Variants in ASCC3 observed in about 807,000 individuals in gnomAD.
ASCC3 encodes ASC-1 complex subunit P200.
In ASCC3, 158 loss-of-function variants were observed where a neutral mutation model predicts 256.3. That is an observed-to-expected ratio of 0.62 (90% CI 0.54 to 0.70). The LOEUF is 0.70. Ranked by LOEUF, ASCC3 falls within the 30% of genes least tolerant of loss-of-function variation. The pLI, the probability that ASCC3 is intolerant of heterozygous loss-of-function variation, is 0.00. For synonymous variants in ASCC3, 948 were observed against 883.4 expected (o/e 1.07, Z -1.30); for missense variants, 2,259 against 2,626.0 (o/e 0.86, Z 3.05).
intron 24 of ASCC3, among the ~76,000 whole-genome samples, chr6:100,642,031 G>A (rs1232400126): frequency 7.6e-6 from 1 of 132,290 alleles, no homozygotes; most frequent in Non-Finnish European, 1.6e-5. Flanking sequence ...GGGGAGGGGG[G>A]AGGGATAGCA....
chr6:100,627,442 A>G, intron 29 of ASCC3, 148 bp downstream of exon 29: 2 of 1,024,210 alleles, frequency 2.0e-6, no homozygotes, highest in South Asian at 2.9e-5. Flanking sequence ...ATATATTTGT[A>G]TTCCTTAACA....
Position 100,864,069 on chromosome 6 carries a change from T to C in ASCC3, c.236A>G (p.Gln79Arg). 1 of 1,566,388 alleles carries C rather than the reference T, an allele frequency of 6.4e-7. No individual in the cohort carries two copies. The highest frequency in any genetic ancestry group is 8.7e-7 in the Non-Finnish European group (1 of 1,153,412). ...AGAAAAAAAGAAAACTATACCTATC[T>C]GCTTTGCAGCATGTAATATATCTTT... ...DLKDILHAAK[Q>R]IVGTDNGREA... Residue 79 changes from glutamine (Q) to arginine (R), a missense_variant, in exon 3 of 42, where the codon CAG (glutamine) becomes CGG (arginine). Transcript: ENST00000369162.
At chr6:100,840,201 A>G (rs1399943309) in intron 4 of ASCC3, among the ~76,000 whole-genome samples, 1 of 152,230 alleles carries the variant, frequency 6.6e-6, no homozygotes, top group African/African-American at 2.4e-5. Flanking sequence ...TTAAAGACAG[A>G]CAAAAGATAC....
At chr6:100,806,115 A>T (rs1349842168) in intron 4 of ASCC3, among the ~76,000 whole-genome samples, 1 of 152,052 alleles carries the variant, frequency 6.6e-6, no homozygotes, top group Non-Finnish European at 1.5e-5. Flanking sequence ...TTTAAAAATT[A>T]CGATTTGAAT....
At chr6:100,589,474 T>C (rs1397608882) in intron 36 of ASCC3, among the ~76,000 whole-genome samples, 160 bp downstream of exon 36, 1 of 152,134 alleles carries the variant, frequency 6.6e-6, no homozygotes, top group Non-Finnish European at 1.5e-5. Flanking sequence ...GGTCACCTTA[T>C]CTATGGGTAT....
intron 13 of ASCC3, among the ~76,000 whole-genome samples, chr6:100,701,084 T>A (rs1360229495): frequency 1.3e-5 from 2 of 152,184 alleles, no homozygotes; most frequent in African/African-American, 2.4e-5. Flanking sequence ...CCATGTTTCA[T>A]GGGAGGAACC....
intron 13 of ASCC3, among the ~76,000 whole-genome samples, chr6:100,688,290 A>C (rs976032476): frequency 5.9e-5 from 9 of 151,850 alleles, no homozygotes; most frequent in African/African-American, 2.2e-4. Flanking sequence ...CAACAACAGG[A>C]ACTCTTGATT....
chr6:100,829,538 G>A (rs990171086), intron 4 of ASCC3, among the ~76,000 whole-genome samples: 10 of 151,968 alleles, frequency 6.6e-5, no homozygotes, highest in South Asian at 2.1e-4. Flanking sequence ...CGCAAGCACC[G>A]CGTGCAGCCC....
In ASCC3 at chr6:100,509,387, T is replaced by A. The variant is rs1390848194; in HGVS notation, c.6608A>T (p.Ter2203LeuextTer12). The change falls in exon 42 of 42, where the codon TAA becomes TTA. Residue 2203 changes from the stop codon to leucine, a stop_lost. Coordinates refer to ENST00000369162, the MANE Select transcript of ASCC3 (RefSeq NM_006828.4). ...SDSLTDLALK[*>L] ...TTCAAATGGATTGTTCAGGTCAAGT[T>A]ACTTTAATGCCAGGTCAGTCAGGGA... 1.2e-6 allele frequency: 2 copies of A among 1,614,030 alleles called. No individual in the cohort carries two copies. Among genetic ancestry groups the A allele is most frequent in the African/African-American group, 2.7e-5 (2 of 74,924 alleles).
chr6:100,652,165 A>G (rs1405739350), intron 18 of ASCC3, among the ~76,000 whole-genome samples: 1 of 143,120 alleles, frequency 7.0e-6, no homozygotes. Context: ...AAGAATGCCT[A>G]AAGTTCCTGC....
intron 13 of ASCC3, among the ~76,000 whole-genome samples, chr6:100,703,427 T>C (rs1778434003): frequency 6.6e-6 from 1 of 152,020 alleles, no homozygotes; most frequent in South Asian, 2.1e-4. Flanking sequence ...AATAATTTGG[T>C]GACAGTAAAA....
At chr6:100,743,094 C>G (rs1054382239) in intron 10 of ASCC3, among the ~76,000 whole-genome samples, 5 of 152,192 alleles carry the variant, frequency 3.3e-5, no homozygotes, top group African/African-American at 1.2e-4. Flanking sequence ...TTCATGAGAT[C>G]TCCTGGTCCA....
At chr6:100,784,212 T>C (rs1219157520) in intron 8 of ASCC3, among the ~76,000 whole-genome samples, 4 of 152,168 alleles carry the variant, frequency 2.6e-5, no homozygotes, top group African/African-American at 9.6e-5. Context: ...ATGAAAATAC[T>C]GACTTCCCTA....
At chr6:100,800,058 G>A (rs1490448866) in intron 6 of ASCC3, among the ~76,000 whole-genome samples, 5 of 151,890 alleles carry the variant, frequency 3.3e-5, no homozygotes, top group Non-Finnish European at 5.9e-5. Flanking sequence ...CCTAAAAATA[G>A]CTTAGCTCTA....
intron 10 of ASCC3, among the ~76,000 whole-genome samples, chr6:100,743,885 A>G (rs954208110): frequency 1.1e-4 from 17 of 152,222 alleles, no homozygotes; most frequent in African/African-American, 4.1e-4. Context: ...TCTTTAAAAT[A>G]ATGCCTGACA....
At chr6:100,532,091 G>A (rs1401469786) in intron 37 of ASCC3, among the ~76,000 whole-genome samples, 2 of 151,198 alleles carry the variant, frequency 1.3e-5, no homozygotes, top group East Asian at 1.9e-4. Context: ...GATGAGCCAC[G>A]AAATTCAATC....
chr6:100,621,718 C>T (rs962522668), intron 30 of ASCC3, among the ~76,000 whole-genome samples: 3 of 152,102 alleles, frequency 2.0e-5, no homozygotes, highest in African/African-American at 7.2e-5. Flanking sequence ...TATCATCTGA[C>T]CCAGAAATCC....
chr6:100,735,009 T>C (rs1582780855), intron 10 of ASCC3, among the ~76,000 whole-genome samples: 1 of 152,142 alleles, frequency 6.6e-6, no homozygotes, highest in Non-Finnish European at 1.5e-5. Flanking sequence ...AAAAGTCTAC[T>C]TTAAACAACC....
At chr6:100,602,119 T>C (rs1273784035) in intron 33 of ASCC3, among the ~76,000 whole-genome samples, 184 bp from the exon 34 acceptor site, 3 of 152,068 alleles carry the variant, frequency 2.0e-5, no homozygotes, top group African/African-American at 7.2e-5. Flanking sequence ...AATTATTTAG[T>C]GGGAATTTGG....
Sources: gnomAD v4.1 joint callset for allele counts (sites outside exome capture counted in the v4.1 genomes callset) on GRCh38, gnomAD v4.1.1 for gene constraint, MANE v1.5 for transcripts, NCBI Gene and HGNC (gene_info 2026-07-23, HGNC 2026-07-21) for gene names.